RBFOX1: variants seen among roughly 807,000 people sequenced by gnomAD.
The protein encoded by RBFOX1 is RNA binding fox-1 homolog 1, also known as RNA binding protein fox-1 homolog 1.
Under a neutral mutation model 57.7 loss-of-function variants are expected in RBFOX1, and 8 were observed. The ratio of observed to expected loss-of-function variants is 0.14; its 90% CI spans 0.08 to 0.25. RBFOX1 has a LOEUF of 0.25. Among genes scored for constraint, RBFOX1 ranks in the 10% least tolerant of loss-of-function variants. The pLI, the probability that RBFOX1 is intolerant of heterozygous loss-of-function variation, is 1.00. For missense variants in RBFOX1, 611 were observed against 548.5 expected (o/e 1.11, Z -1.14); for synonymous variants, 326 against 222.4 (o/e 1.47, Z -4.15).
chr16:7,313,851 C>G (rs1386589308), intron 4 of RBFOX1, among the ~76,000 whole-genome samples: 1 of 152,092 alleles, frequency 6.6e-6, no homozygotes, highest in African/African-American at 2.4e-5. Flanking sequence ...TGCACCATCC[C>G]TATGTCCTCC....
intron 2 of RBFOX1, among the ~76,000 whole-genome samples, chr16:6,527,921 T>G (rs1046313307): frequency 6.6e-6 from 1 of 151,850 alleles, no homozygotes; most frequent in Non-Finnish European, 1.5e-5. Context: ...TTATCCACTT[T>G]CTTCCTTTGT....
intron 4 of RBFOX1, among the ~76,000 whole-genome samples, chr16:7,088,358 A>T (rs2060300321): frequency 1.3e-5 from 2 of 152,130 alleles, no homozygotes; most frequent in Admixed American, 6.5e-5. Context: ...CTCACAAGTG[A>T]CTACTTATTT....
intron 1 of RBFOX1, among the ~76,000 whole-genome samples, chr16:5,406,855 C>A (rs2066882363): frequency 6.6e-6 from 1 of 152,098 alleles, no homozygotes; most frequent in African/African-American, 2.4e-5. Flanking sequence ...TGGGCACTCA[C>A]CAGCGTGAAG....
intron 2 of RBFOX1, among the ~76,000 whole-genome samples, chr16:6,610,413 A>C (rs943530109): frequency 6.6e-6 from 1 of 151,918 alleles, no homozygotes; most frequent in Non-Finnish European, 1.5e-5. Flanking sequence ...CTGCAGCATC[A>C]ACCTTGCCGG....
chr16:7,251,807 T>C (rs1433677640), intron 4 of RBFOX1, among the ~76,000 whole-genome samples: 1 of 152,186 alleles, frequency 6.6e-6, no homozygotes, highest in East Asian at 1.9e-4. Flanking sequence ...GGAGTGCAGA[T>C]ATCCCTTCAA....
At chr16:6,323,641 G>C (rs904801852) in intron 2 of RBFOX1, among the ~76,000 whole-genome samples, 1 of 152,306 alleles carries the variant, frequency 6.6e-6, no homozygotes, top group Non-Finnish European at 1.5e-5. Flanking sequence ...AGGGAGCAAT[G>C]CTTGTGAATT....
intron 1 of RBFOX1, among the ~76,000 whole-genome samples, chr16:6,304,980 G>A (rs76696218): frequency 6.6e-6 from 1 of 151,742 alleles, no homozygotes; most frequent in East Asian, 1.9e-4. Context: ...CAGAACTAGT[G>A]AGATGATGGA....
intron 5 of RBFOX1, among the ~76,000 whole-genome samples, chr16:7,527,271 T>C (rs371235719): frequency 7.9e-5 from 12 of 152,340 alleles, no homozygotes; most frequent in East Asian, 7.7e-4. Context: ...CTGCAATACA[T>C]GGCCCTTGGC....
rs1236613797 is a variant in RBFOX1, at chr16:5,270,431, A to G, written c.219+30326A>G. On this transcript the variant is annotated intron_variant, in intron 1 of 2. Coordinates refer to the RBFOX1 transcript ENST00000585867. Reference sequence around the variant, plus strand: ...AGTTGCATTTAGAAAATTCAAGCTGATTACTGAAGATGTTCAGGGCAGAAA... The same window carrying G: ...AGTTGCATTTAGAAAATTCAAGCTGGTTACTGAAGATGTTCAGGGCAGAAA... 6.6e-5 allele frequency: 64 copies of G among 964,862 alleles called. 1 individual carries two copies. In the Admixed American group the frequency reaches 1.1e-3, roughly 16 times the overall value. 59.8% of individuals were successfully genotyped at this position (964,862 alleles called of 1,614,324 possible). A position where few individuals can be genotyped will look rare whatever the true frequency, so the allele number is the denominator to read the frequency against.
At chr16:6,433,671 C>T (rs911497156) in intron 2 of RBFOX1, among the ~76,000 whole-genome samples, 1 of 152,028 alleles carries the variant, frequency 6.6e-6, no homozygotes, top group Non-Finnish European at 1.5e-5. Flanking sequence ...TAGCAGGGCT[C>T]AGTTTCTTCC....
At chr16:6,286,212 C>T (rs2076895051) in intron 1 of RBFOX1, among the ~76,000 whole-genome samples, 3 of 152,112 alleles carry the variant, frequency 2.0e-5, no homozygotes, top group Admixed American at 2.0e-4. Flanking sequence ...TTTTAACCCC[C>T]CATCCCTGGT....
intron 4 of RBFOX1, among the ~76,000 whole-genome samples, chr16:5,955,062 C>T (rs2059596508): frequency 7.6e-6 from 1 of 131,180 alleles, no homozygotes; most frequent in Admixed American, 9.3e-5. Flanking sequence ...GGGTGGATCA[C>T]TTGAGGTCAG....
intron 3 of RBFOX1, among the ~76,000 whole-genome samples, chr16:6,799,039 C>A (rs1412981494): frequency 6.6e-6 from 1 of 151,882 alleles, no homozygotes; most frequent in East Asian, 1.9e-4. Flanking sequence ...GGAGACTGGG[C>A]AGAAAATTAG....
intron 3 of RBFOX1, among the ~76,000 whole-genome samples, chr16:6,815,391 G>T (rs1028487436): frequency 6.6e-6 from 1 of 152,128 alleles, no homozygotes; most frequent in African/African-American, 2.4e-5. Context: ...CAGCCCAGTA[G>T]ATCTCAGCCT....
At chr16:5,943,405 T>C (rs2059322162) in intron 4 of RBFOX1, among the ~76,000 whole-genome samples, 1 of 152,284 alleles carries the variant, frequency 6.6e-6, no homozygotes, top group South Asian at 2.1e-4. Flanking sequence ...CATACCCAGG[T>C]GCTCGTTTAA....
At position 7,711,756 on chromosome 16, in the gene RBFOX1, G is replaced by A. The variant is rs1263344277; in HGVS notation, c.*1011G>A. ...TTAGCCTAGTAGAACAACTGTTAGA[G>A]ACAGACGTATAATTTTTATGGAATT... is the stretch of plus-strand genomic sequence containing the variant. On this transcript the variant is annotated 3_prime_UTR_variant, in exon 16 of 16. Transcript: ENST00000550418. 3 of 152,592 alleles carry A rather than the reference G, an allele frequency of 2.0e-5. No individual in the cohort carries two copies. Among genetic ancestry groups the A allele is most frequent in the African/African-American group, 4.8e-5 (2 of 41,440 alleles). 9.5% of individuals were successfully genotyped at this position (152,592 alleles called of 1,614,324 possible).
chr16:7,415,794 A>G (rs1025202648), intron 4 of RBFOX1, among the ~76,000 whole-genome samples: 2 of 152,108 alleles, frequency 1.3e-5, no homozygotes, highest in Non-Finnish European at 2.9e-5. Context: ...GAGTATATAT[A>G]TATCTTTCCA....
chr16:5,650,372 C>T (rs373625842), intron 3 of RBFOX1, among the ~76,000 whole-genome samples: 74 of 151,724 alleles, frequency 4.9e-4, no homozygotes, highest in African/African-American at 1.5e-3. Context: ...GAGGGAGCCC[C>T]GTCGAGGGCC....
At chr16:5,835,139 A>G (rs1431006636) in intron 3 of RBFOX1, among the ~76,000 whole-genome samples, 1 of 152,148 alleles carries the variant, frequency 6.6e-6, no homozygotes, top group Non-Finnish European at 1.5e-5. Context: ...CAGAAGTATA[A>G]TGGGGCTGTA....
Sources: allele counts gnomAD v4.1 joint callset (sites outside exome capture counted in the v4.1 genomes callset), GRCh38; gene constraint gnomAD v4.1.1; transcripts MANE v1.5; gene names NCBI Gene and HGNC (gene_info 2026-07-23, HGNC 2026-07-21).